The following PTPN5 variants were observed in gnomAD, a reference collection of about 807,000 sequenced individuals.
The protein encoded by PTPN5 is tyrosine-protein phosphatase non-receptor type 5.
PTPN5 carries 29 observed loss-of-function variants against 73.9 expected under a neutral mutation model. The ratio of observed to expected loss-of-function variants is 0.39; its 90% CI spans 0.29 to 0.54. The LOEUF (loss-of-function observed/expected upper bound fraction) is 0.54, where lower values mean the gene tolerates loss of function less well. PTPN5 is among the 20% of genes least tolerant of loss of function. The probability of loss-of-function intolerance (pLI) is 0.65; values close to 1 mark genes in which losing one functional copy is unlikely to be tolerated. For synonymous variants in PTPN5, 267 were observed against 304.7 expected, an observed-to-expected ratio of 0.88 and a Z score of 1.29; for missense variants, 652 against 751.4, an observed-to-expected ratio of 0.87 and a Z score of 1.55.
At chr11:18,739,829 T>A (rs1849284311) in intron 8 of PTPN5, among the ~76,000 whole-genome samples, 2 of 152,176 alleles carry the variant, frequency 1.3e-5, no homozygotes, top group South Asian at 2.1e-4. Flanking sequence ...CCTTCCTTCC[T>A]CCTCCTCTCA....
chr11:18,771,672 G>C (rs1850907132), intron 2 of PTPN5, among the ~76,000 whole-genome samples: 1 of 152,098 alleles, frequency 6.6e-6, no homozygotes, highest in African/African-American at 2.4e-5. Flanking sequence ...GTAGCTTTAG[G>C]GGCTCTAGGA....
rs1008446135 is a variant in PTPN5 at position 18,733,792 on chromosome 11, T to C, written c.1001-157A>G. On this transcript the variant is annotated intron_variant, in intron 9 of 14. Coordinates refer to ENST00000358540, the MANE Select transcript of PTPN5 (RefSeq NM_006906.2). This position sits in a 1 kb window ranked among gnomAD's most constrained non-coding sequence, Gnocchi z 4.3. Reference sequence around the variant, plus strand: ...AAAACATTGACCCATTCATGGTTCATTTTGTAGGTGAGGACTCAGGATGAG... The same window carrying C: ...AAAACATTGACCCATTCATGGTTCACTTTGTAGGTGAGGACTCAGGATGAG... Among the ~76,000 whole-genome samples, 2 of 152,148 alleles carry C rather than the reference T, an allele frequency of 1.3e-5. No individual in the cohort carries two copies. The highest frequency in any genetic ancestry group is 2.9e-5 in the Non-Finnish European group (2 of 68,018).
chr11:18,768,477 C>T (rs748644933), intron 2 of PTPN5, among the ~76,000 whole-genome samples: 6 of 152,116 alleles, frequency 3.9e-5, no homozygotes, highest in Non-Finnish European at 5.9e-5. Context: ...GAGGGCTGAC[C>T]CCTGGCTGGG....
At chr11:18,785,804 G>A (rs1851641809) in intron 1 of PTPN5, among the ~76,000 whole-genome samples, 1 of 152,216 alleles carries the variant, frequency 6.6e-6, no homozygotes, top group South Asian at 2.1e-4. Flanking sequence ...AAAAAGGAGG[G>A]CAATTTAGGG....
chr11:18,751,187 A>G (rs899331324), intron 3 of PTPN5, among the ~76,000 whole-genome samples: 2 of 152,148 alleles, frequency 1.3e-5, no homozygotes, highest in Non-Finnish European at 2.9e-5. Flanking sequence ...GAGAGGCTGG[A>G]GGTGGCTCCC....
chr11:18,738,951 A>C (rs1849241531), intron 8 of PTPN5, among the ~76,000 whole-genome samples: 1 of 150,986 alleles, frequency 6.6e-6, no homozygotes, highest in Non-Finnish European at 1.5e-5. Flanking sequence ...CAGCCTGGGC[A>C]ACAAGAGTGA....
chr11:18,730,348 A>C, intron 12 of PTPN5: 1 of 176,844 alleles, frequency 5.7e-6, no homozygotes, highest in South Asian at 1.8e-4. Context: ...CTCATCCCCA[A>C]CTGTCTCAGA....
At position 18,780,355 on chromosome 11, in the gene PTPN5, C is replaced by T. The variant is rs531437830; in HGVS notation, c.-113-8284G>A. On this transcript the variant is annotated intron_variant, in intron 1 of 14. Coordinates refer to ENST00000358540, the MANE Select transcript of PTPN5 (RefSeq NM_006906.2). ...CCAAATCCTCCTCTGCCATGACATC[C>T]GCCTGCCCCAGCCATGCTCCCTCCT... Among the ~76,000 whole-genome samples, 42 of 152,316 alleles carry T rather than the reference C, an allele frequency of 2.8e-4. 1 individual carries two copies. Among genetic ancestry groups the T allele is most frequent in the African/African-American group, 9.9e-4 (41 of 41,564 alleles).
At chr11:18,736,039 CTGGAAT>C (rs1849098580) in intron 9 of PTPN5, among the ~76,000 whole-genome samples, 1 of 152,146 alleles carries the variant, frequency 6.6e-6, no homozygotes, top group African/African-American at 2.4e-5. Flanking sequence ...ATTGTGTCCC[CTGGAAT>C]TGGACAACAT....
rs1244995319 is a variant in PTPN5 at position 18,729,554 on chromosome 11, C to T, written c.1503G>A (p.Gly501=). 4 of 1,596,706 alleles carry T rather than the reference C, an allele frequency of 2.5e-6. No homozygotes were observed. Among genetic ancestry groups the T allele is most frequent in the Non-Finnish European group, 3.4e-6 (4 of 1,174,278 alleles). The change falls in exon 14 of 15, where the codon GGG becomes GGA. Residue 501 remains glycine, a synonymous_variant. Transcript: ENST00000358540. The surrounding 1 kb of genome is among the most constrained non-coding windows in gnomAD (Gnocchi z 5.2). ...TGGTGGCAATGAAGCAGCCGGTCCT[C>T]CCAATCCCTGCACTGAGGGCCGAGG... ...PIIVHCSAGI[G]RTGCFIATSI... is the part of the protein sequence containing the mutation.
At chr11:18,736,188 C>T (rs536809264) in intron 9 of PTPN5, among the ~76,000 whole-genome samples, 6 of 152,200 alleles carry the variant, frequency 3.9e-5, no homozygotes, top group Non-Finnish European at 8.8e-5. Context: ...ATAATCCCAG[C>T]ACTTTGGGAG....
chr11:18,732,764 C>G, intron 11 of PTPN5, 62 bp from the exon 12 acceptor site: 1 of 1,373,992 alleles, frequency 7.3e-7, no homozygotes. Flanking sequence ...TCTCTACACT[C>G]TCTTCAGGGC....
At chr11:18,750,778 T>C (rs980985416) in intron 3 of PTPN5, among the ~76,000 whole-genome samples, 1 of 152,054 alleles carries the variant, frequency 6.6e-6, no homozygotes, top group East Asian at 1.9e-4. Context: ...TGATTGCCCA[T>C]GTCTTACATG....
At chr11:18,777,139 C>T (rs758566607) in intron 1 of PTPN5, among the ~76,000 whole-genome samples, 16 of 151,740 alleles carry the variant, frequency 1.1e-4, no homozygotes, top group Non-Finnish European at 1.9e-4. Context: ...CCAGCCTGGG[C>T]GACAGAATGA....
chr11:18,740,826 G>C (rs1422660716), intron 7 of PTPN5, 34 bp from the exon 8 acceptor site: 11 of 1,408,814 alleles, frequency 7.8e-6, no homozygotes, highest in Non-Finnish European at 9.5e-6. Context: ...GTGAGCCTCA[G>C]GGGCAGAGGG....
intron 1 of PTPN5, among the ~76,000 whole-genome samples, chr11:18,773,508 C>G (rs1301775841): frequency 6.6e-6 from 1 of 152,052 alleles, no homozygotes; most frequent in Non-Finnish European, 1.5e-5. Flanking sequence ...GTCTGCAGAC[C>G]CAGAGGGGCT....
At chr11:18,792,395 T>A (rs80279941), upstream of PTPN5, 27 of 152,480 alleles carry the variant, frequency 1.8e-4, no homozygotes, top group African/African-American at 6.5e-4. Flanking sequence ...GCGTCCTTTT[T>A]CCCAGTTCTC....
rs1554916252 is a variant in PTPN5 at position 18,746,195 on chromosome 11, AT to A, written c.98-1997del. ...TATATATATATATATATATATATAC[AT>A]TTTTTTTTTTTTTGAGATGGAGTCT... On this transcript the variant is annotated intron_variant, in intron 3 of 14. Coordinates refer to ENST00000358540, the MANE Select transcript of PTPN5 (RefSeq NM_006906.2). Among the ~76,000 whole-genome samples the A allele has an allele frequency of 1.5e-3, 172 of 114,006 alleles. 1 individual carries two copies. Among genetic ancestry groups the A allele is most frequent in the African/African-American group, 4.6e-3 (143 of 30,968 alleles). The allele number at this position is 114,006 out of a possible 152,430, so 74.8% of individuals were successfully genotyped here. A position where few individuals can be genotyped will look rare whatever the true frequency, so the allele number is the denominator to read the frequency against.
intron 4 of PTPN5, 199 bp downstream of exon 4, chr11:18,743,807 G>T: frequency 1.6e-6 from 1 of 619,882 alleles, no homozygotes; most frequent in Non-Finnish European, 2.7e-6. Context: ...GGCAGGGTGT[G>T]AGGTCTCAGA....
Sources: gnomAD v4.1 joint callset for allele counts (sites outside exome capture counted in the v4.1 genomes callset) on GRCh38, gnomAD v4.1.1 for gene constraint, Gnocchi (gnomAD v3.1) non-coding constraint, MANE v1.5 for transcripts, NCBI Gene and HGNC (gene_info 2026-07-23, HGNC 2026-07-21) for gene names.